USH2A: variants seen among roughly 807,000 people sequenced by gnomAD.
USH2A encodes the protein usherin.
Under a neutral mutation model 538.9 loss-of-function variants are expected in USH2A, and 443 were observed. The ratio of observed to expected loss-of-function variants is 0.82; its 90% CI spans 0.76 to 0.89. The LOEUF is 0.89. USH2A is among the 40% of genes least tolerant of loss of function. The pLI is 0.00. For synonymous variants in USH2A, 2,413 were observed against 2,273.5 expected (o/e 1.06, Z -1.75); for missense variants, 6,633 against 6,324.8 (o/e 1.05, Z -1.65).
intron 40 of USH2A, among the ~76,000 whole-genome samples, chr1:215,894,907 C>T (rs1048515440): frequency 1.3e-5 from 2 of 152,174 alleles, no homozygotes; most frequent in African/African-American, 4.8e-5. Context: ...TAAATTTGAA[C>T]TTTGATATTA....
At position 216,365,015 on chromosome 1, in the gene USH2A, G is replaced by A. The variant is rs377687028; in HGVS notation, c.722C>T (p.Thr241Ile). ...AAAATCTGTAATTGAACCACTTAGA[G>A]TTCTTGCATTGAAAGGTGTATGATC... ...EKDHTPFNAR[T>I]LSGSITDFAS... The change falls in exon 4 of 72, where the codon ACT (threonine) becomes ATT (isoleucine). Residue 241 changes from threonine to isoleucine, a missense_variant. By Grantham distance (89) the Thr-to-Ile change is moderately conservative. Coordinates refer to ENST00000307340, the MANE Select transcript of USH2A (RefSeq NM_206933.4). 5 of 1,613,724 alleles carry A rather than the reference G, an allele frequency of 3.1e-6. No individual in the cohort carries two copies. Among genetic ancestry groups the A allele is most frequent in the Non-Finnish European group, 4.2e-6 (5 of 1,179,764 alleles).
At chr1:215,710,677 C>T (rs1659315627) in intron 61 of USH2A, among the ~76,000 whole-genome samples, 1 of 152,058 alleles carries the variant, frequency 6.6e-6, no homozygotes, top group Admixed American at 6.6e-5. Context: ...CGTTCAGAAA[C>T]ATTTACAGCT....
chr1:216,085,625 C>T (rs1260469897), intron 24 of USH2A, among the ~76,000 whole-genome samples: 3 of 151,922 alleles, frequency 2.0e-5, no homozygotes, highest in Admixed American at 6.6e-5. Flanking sequence ...GAGATGTGTC[C>T]TCTACAGGAA....
chr1:216,262,509 A>T (rs2036393476), intron 11 of USH2A, among the ~76,000 whole-genome samples: 1 of 152,094 alleles, frequency 6.6e-6, no homozygotes, highest in South Asian at 2.1e-4. Context: ...GTCTATTGAA[A>T]TAACTCAAGC....
chr1:216,257,027 T>C (rs2036273692), intron 11 of USH2A, among the ~76,000 whole-genome samples: 1 of 151,946 alleles, frequency 6.6e-6, no homozygotes, highest in East Asian at 1.9e-4. Context: ...TTTTACTATA[T>C]TATTATTATT....
chr1:216,085,063 T>G (rs1169115485), intron 24 of USH2A, 186 bp from the exon 25 acceptor site: 1 of 626,178 alleles, frequency 1.6e-6, no homozygotes, highest in Non-Finnish European at 2.8e-6. Context: ...ATTATAATGT[T>G]TAGTGCTGGT....
rs749572330 is a variant in USH2A at position 215,647,565 on chromosome 1, G to A, written c.14748C>T (p.Gly4916=). 2 of 1,613,982 alleles carry A rather than the reference G, an allele frequency of 1.2e-6. No individual in the cohort carries two copies. The highest frequency in any genetic ancestry group is 1.1e-5 in the South Asian group (1 of 91,088). The stretch of plus-strand genomic sequence containing the variant: ...AACTGATCCACTCGGAAGCCGTACT[G>A]CCCACCTCGTTGTGTGCCACCACTC... The part of the protein sequence containing the change: ...KLRVVAHNEV[G]STASEWISFT... The change falls in exon 67 of 72, where the codon GGC becomes GGT. Residue 4916 remains glycine (G), a synonymous_variant. Transcript: ENST00000307340.
chr1:216,323,414 G>A, intron 8 of USH2A, 60 bp downstream of exon 8: 5 of 1,523,080 alleles, frequency 3.3e-6, no homozygotes, highest in Non-Finnish European at 4.5e-6. Flanking sequence ...ACATCTTAAT[G>A]TGCTGTTAAG....
At chr1:215,755,824 G>T (rs1660777283) in intron 58 of USH2A, among the ~76,000 whole-genome samples, 1 of 152,074 alleles carries the variant, frequency 6.6e-6, no homozygotes, top group Non-Finnish European at 1.5e-5. Flanking sequence ...AGTGAAAGTT[G>T]TGTTTTATTC....
intron 32 of USH2A, among the ~76,000 whole-genome samples, chr1:216,013,965 T>C (rs1288203973): frequency 6.6e-6 from 1 of 152,214 alleles, no homozygotes. Context: ...TTAAATAGCT[T>C]TTTTGAGTTC....
chr1:215,792,097 G>A (rs549416577), intron 50 of USH2A, among the ~76,000 whole-genome samples: 13 of 151,994 alleles, frequency 8.6e-5, no homozygotes, highest in Admixed American at 6.6e-4. Context: ...TTTAGGGAGC[G>A]GAATATATTC....
chr1:216,250,454 G>T (rs12031645), intron 12 of USH2A, among the ~76,000 whole-genome samples: 1,922 of 152,118 alleles, frequency 0.013, 79 homozygotes, highest in Admixed American at 0.08. Context: ...AGAAAAAAAT[G>T]GAAAGATTTA....
intron 13 of USH2A, among the ~76,000 whole-genome samples, chr1:216,235,060 C>T (rs555654392): frequency 8.0e-4 from 122 of 152,258 alleles, no homozygotes; most frequent in African/African-American, 2.9e-3. Flanking sequence ...TAGGATGACT[C>T]AGGTAACTTC....
chr1:216,049,244 T>C (rs1354195701), intron 30 of USH2A, among the ~76,000 whole-genome samples: 1 of 152,210 alleles, frequency 6.6e-6, no homozygotes, highest in East Asian at 1.9e-4. Flanking sequence ...GCTTTTGTAC[T>C]TCTACTTGCA....
intron 44 of USH2A, among the ~76,000 whole-genome samples, chr1:215,862,539 T>G (rs1160301453): frequency 6.6e-6 from 1 of 152,164 alleles, no homozygotes; most frequent in Non-Finnish European, 1.5e-5. Context: ...GTTGTGCAGA[T>G]GTACCCTAGA....
intron 70 of USH2A, 89 bp downstream of exon 70, chr1:215,634,370 T>A (rs1571919071): frequency 6.3e-7 from 1 of 1,597,576 alleles, no homozygotes; most frequent in African/African-American, 1.3e-5. Context: ...AATTCCTTGT[T>A]ACCATGGCTA....
In USH2A at chr1:215,728,144, A is replaced by T. The variant is rs145924817; in HGVS notation, c.11952T>A (p.Asn3984Lys). 2 of 1,614,200 alleles carry T rather than the reference A, an allele frequency of 1.2e-6. No homozygotes were observed. The highest frequency in any genetic ancestry group is 8.5e-7 in the Non-Finnish European group (1 of 1,180,046). The change falls in exon 61 of 72, where the codon AAT becomes AAA. Residue 3984 changes from asparagine to lysine, a missense_variant. Coordinates refer to ENST00000307340, the MANE Select transcript of USH2A (RefSeq NM_206933.4). ...QATSAHSVLL[N>K]WTKPESPNGI... The stretch of plus-strand genomic sequence containing the variant: ...CATTGGGAGATTCTGGCTTTGTCCA[A>T]TTCAACAGAACTGAATGAGCACTCG...
At chr1:216,254,411 T>G (rs1478265473) in intron 11 of USH2A, among the ~76,000 whole-genome samples, 1 of 152,016 alleles carries the variant, frequency 6.6e-6, no homozygotes, top group African/African-American at 2.4e-5. Context: ...GCATTCCCCT[T>G]TCCTTTAAAA....
chr1:216,009,835 C>T (rs1668501158), intron 32 of USH2A, among the ~76,000 whole-genome samples: 1 of 152,140 alleles, frequency 6.6e-6, no homozygotes, highest in Admixed American at 6.5e-5. Flanking sequence ...CAGCAATTTA[C>T]TCTTAAAAAG....
Sources: allele counts gnomAD v4.1 joint callset (sites outside exome capture counted in the v4.1 genomes callset), GRCh38; gene constraint gnomAD v4.1.1; transcripts MANE v1.5; gene names NCBI Gene and HGNC (gene_info 2026-07-23, HGNC 2026-07-21).